The following SPECC1 variants were observed in gnomAD, a reference collection of about 807,000 sequenced individuals.
SPECC1 encodes sperm antigen with calponin homology and coiled-coil domains 1.
In SPECC1, 62 loss-of-function variants were observed where a neutral mutation model predicts 104.1. The ratio of observed to expected loss-of-function variants is 0.60; its 90% CI spans 0.49 to 0.74. SPECC1 has a LOEUF of 0.74. SPECC1 is among the 30% of genes least tolerant of loss of function. SPECC1 has a pLI of 0.00. For missense variants in SPECC1, 1,306 were observed against 1,310.5 expected, an observed-to-expected ratio of 1.00 and a Z score of 0.05; for synonymous variants, 513 against 501.6, an observed-to-expected ratio of 1.02 and a Z score of -0.30.
In SPECC1 at chr17:20,232,224, T is replaced by C. The variant is rs886613646; in HGVS notation, c.2170T>C (p.Phe724Leu). ...MKEETEEWRR[F>L]QADLQTAVVV... is the part of the protein sequence containing the mutation. ...GGAGGAGACCGAGGAATGGAGGCGG[T>C]TCCAGGCGGATCTGCAGACCGCAGT... Residue 724 changes from phenylalanine (F) to leucine (L), a missense_variant, in exon 7 of 15, where the codon TTC becomes CTC. By Grantham distance (22) the Phe-to-Leu change is conservative. Around this residue, in one of 2 missense-constraint regions of SPECC1, gnomAD observed 1,177 missense variants for 1,139.9 expected, o/e 1.03. Transcript: ENST00000395527. 1.2e-6 allele frequency: 2 copies of C among 1,614,056 alleles called. No individual in the cohort carries two copies. Among genetic ancestry groups the C allele is most frequent in the Non-Finnish European group, 1.7e-6 (2 of 1,180,010 alleles).
intron 2 of SPECC1, among the ~76,000 whole-genome samples, chr17:20,098,654 G>A (rs575875035): frequency 6.6e-6 from 1 of 152,312 alleles, no homozygotes; most frequent in East Asian, 1.9e-4. Flanking sequence ...GGATTGCCAG[G>A]TGCACTCCTG....
At chr17:20,170,849 ATATC>A (rs1371378773) in intron 3 of SPECC1, among the ~76,000 whole-genome samples, 2 of 152,186 alleles carry the variant, frequency 1.3e-5, no homozygotes, top group African/African-American at 4.8e-5. Flanking sequence ...ATGTGAAACT[ATATC>A]TAGTAAAGAA....
At chr17:20,198,085 G>T (rs968933335) in intron 3 of SPECC1, among the ~76,000 whole-genome samples, 2 of 152,118 alleles carry the variant, frequency 1.3e-5, no homozygotes, top group Non-Finnish European at 2.9e-5. Context: ...ATTGCCCTGG[G>T]GGCCAAGCCT....
intron 3 of SPECC1, among the ~76,000 whole-genome samples, chr17:20,139,149 A>G (rs1353055600): frequency 6.6e-6 from 1 of 152,212 alleles, no homozygotes; most frequent in Admixed American, 6.5e-5. Context: ...AGGGGCTGCT[A>G]TTAAGGTCAA....
At chr17:20,271,239 A>G (rs1247779649) in intron 12 of SPECC1, among the ~76,000 whole-genome samples, 4 of 151,606 alleles carry the variant, frequency 2.6e-5, no homozygotes, top group African/African-American at 7.3e-5. Flanking sequence ...ATTTACCTCT[A>G]CGTTGCTGAC....
chr17:20,059,654 T>G (rs1468240073), intron 1 of SPECC1, among the ~76,000 whole-genome samples: 2 of 152,204 alleles, frequency 1.3e-5, no homozygotes, highest in Admixed American at 1.3e-4. Context: ...CCTTGGTCGT[T>G]GTATATGAAC....
intron 1 of SPECC1, among the ~76,000 whole-genome samples, chr17:20,064,488 G>A (rs924059766): frequency 3.9e-5 from 6 of 152,174 alleles, no homozygotes; most frequent in African/African-American, 1.4e-4. Flanking sequence ...AGCCTGGGAG[G>A]GAAGCACAGT....
At chr17:20,075,614 A>T (rs1419916374) in intron 1 of SPECC1, among the ~76,000 whole-genome samples, 1 of 152,204 alleles carries the variant, frequency 6.6e-6, no homozygotes, top group East Asian at 1.9e-4. Flanking sequence ...ACAGCCTGGG[A>T]AACATAGCAA....
intron 3 of SPECC1, among the ~76,000 whole-genome samples, chr17:20,158,099 G>A (rs974681394): frequency 2.0e-5 from 3 of 152,198 alleles, no homozygotes; most frequent in Non-Finnish European, 2.9e-5. Flanking sequence ...TTAAAGATGC[G>A]TGGGTTTTCA....
intron 3 of SPECC1, among the ~76,000 whole-genome samples, chr17:20,171,066 CTG>C (rs1448974259): frequency 1.3e-5 from 2 of 152,170 alleles, no homozygotes; most frequent in African/African-American, 2.4e-5. Flanking sequence ...TGGTAAAAAA[CTG>C]TTATGAAAAT....
intron 1 of SPECC1, among the ~76,000 whole-genome samples, chr17:20,031,755 T>C (rs956880243): frequency 8.5e-5 from 13 of 152,238 alleles, no homozygotes; most frequent in African/African-American, 3.1e-4. Flanking sequence ...AGTAATATGG[T>C]ATTTGTCCTT....
intron 3 of SPECC1, chr17:20,111,957 G>A: frequency 1.3e-6 from 1 of 791,822 alleles, no homozygotes; most frequent in South Asian, 1.3e-5. Context: ...GTGTATAATG[G>A]CAAAGGTGGA....
intron 3 of SPECC1, among the ~76,000 whole-genome samples, chr17:20,199,189 C>G (rs1302020444): frequency 7.0e-6 from 1 of 142,690 alleles, no homozygotes. Context: ...TGGGTTCAAG[C>G]AATTCTCCTG....
At chr17:20,071,475 T>G (rs183731277) in intron 1 of SPECC1, among the ~76,000 whole-genome samples, 105 of 152,314 alleles carry the variant, frequency 6.9e-4, no homozygotes, top group Admixed American at 2.4e-3. Flanking sequence ...TTCTACCAGA[T>G]GAATTTCAGG....
chr17:20,256,960 A>G (rs2039855779), intron 10 of SPECC1, among the ~76,000 whole-genome samples: 1 of 152,196 alleles, frequency 6.6e-6, no homozygotes, highest in Non-Finnish European at 1.5e-5. Context: ...AGTGATTCCT[A>G]CTTCTTGTTT....
At chr17:20,130,982 G>A (rs2049589689) in intron 3 of SPECC1, among the ~76,000 whole-genome samples, 1 of 152,086 alleles carries the variant, frequency 6.6e-6, no homozygotes, top group South Asian at 2.1e-4. Context: ...TATTTTTGAG[G>A]AATTGTAAAT....
intron 1 of SPECC1, among the ~76,000 whole-genome samples, chr17:20,054,681 T>G (rs149411465): frequency 4.2e-4 from 63 of 151,744 alleles, no homozygotes; most frequent in East Asian, 1.7e-3. Context: ...TTTCTTTTTT[T>G]GGGGGGGGTG....
chr17:20,182,267 C>T (rs1228959050), intron 3 of SPECC1, among the ~76,000 whole-genome samples: 2 of 151,966 alleles, frequency 1.3e-5, no homozygotes, highest in Non-Finnish European at 2.9e-5. Context: ...TTGCACACCA[C>T]CATGTCCCGC....
At chr17:20,269,581 C>A (rs1488983368) in intron 12 of SPECC1, among the ~76,000 whole-genome samples, 2 of 152,226 alleles carry the variant, frequency 1.3e-5, no homozygotes, top group Non-Finnish European at 2.9e-5. Flanking sequence ...TGCCACCACA[C>A]CCAGCTGGTC....
Sources: gnomAD v4.1 joint callset for allele counts (sites outside exome capture counted in the v4.1 genomes callset) on GRCh38, gnomAD v4.1.1 for gene constraint, gnomAD v4.1.1 regional missense constraint, MANE v1.5 for transcripts, NCBI Gene and HGNC (gene_info 2026-07-23, HGNC 2026-07-21) for gene names.